The following NRIP1 variants were observed in gnomAD, a reference collection of about 807,000 sequenced individuals.
The protein encoded by NRIP1 is nuclear receptor interacting protein 1.
In NRIP1, 28 loss-of-function variants were observed where a neutral mutation model predicts 75.0. The observed-to-expected ratio is 0.37, with a 90% confidence interval of 0.28 to 0.51. NRIP1 has a LOEUF of 0.51. Among genes scored for constraint, NRIP1 ranks in the 20% least tolerant of loss-of-function variants. The pLI is 0.92. For missense variants in NRIP1, 1,435 were observed against 1,343.7 expected, an observed-to-expected ratio of 1.07 and a Z score of -1.06; for synonymous variants, 526 against 487.6, an observed-to-expected ratio of 1.08 and a Z score of -1.04.
Position 14,965,641 on chromosome 21 carries a change from T to C in NRIP1, c.2552A>G (p.Asn851Ser), listed in dbSNP as rs753205102. 1 of 1,613,276 alleles carries C rather than the reference T, an allele frequency of 6.2e-7. No homozygotes were observed. Among genetic ancestry groups the C allele is most frequent in the African/African-American group, 1.3e-5 (1 of 74,936 alleles). Residue 851 changes from asparagine to serine, a missense_variant, in exon 4 of 4, where the codon AAT becomes AGT. Transcript: ENST00000318948. ...NNEMALLESKNLCMVPKKRKL... is the reference protein window; with the variant it reads ...NNEMALLESKSLCMVPKKRKL... ...CCTTTTCTTAGGGACCATGCAAAGA[T>C]TCTTTGATTCTAGAAGTGCCATTTC...
intron 3 of NRIP1, among the ~76,000 whole-genome samples, chr21:15,012,447 C>CTTTTTTTTTTTT (rs869160226): frequency 1.0e-4 from 8 of 79,368 alleles, no homozygotes; most frequent in East Asian, 5.1e-4. Context: ...ATTATAATGT[C>CTTTTTTTTTTTT]TTTTTTTTTT....
intron 1 of NRIP1, among the ~76,000 whole-genome samples, chr21:15,063,987 T>C (rs114166147): frequency 0.014 from 2,192 of 152,272 alleles, 45 homozygotes; most frequent in African/African-American, 0.049. Flanking sequence ...CTGATCAAAA[T>C]TGGGAAACTA....
rs1219532586 is a variant in NRIP1 at position 14,967,469 on chromosome 21, C to T, written c.724G>A (p.Ala242Thr). 4.3e-6 allele frequency: 7 copies of T among 1,613,956 alleles called. No homozygotes were observed. The highest frequency in any genetic ancestry group is 2.7e-5 in the African/African-American group (2 of 74,912). Reference protein sequence around the residue: ...EPLSCAARLQAVASMVEKRAS... With the variant: ...EPLSCAARLQTVASMVEKRAS... ...CTTTTTTCCACCATGCTTGCAACAG[C>T]CTGTAATCTTGCAGCACATGACAAC... Residue 242 changes from alanine (A) to threonine (T), a missense_variant, in exon 4 of 4, where the codon GCT (alanine) becomes ACT (threonine). Physicochemically the swap from Ala to Thr is moderately conservative, Grantham distance 58. Transcript: ENST00000318948.
rs112057825 is a variant in NRIP1, at chr21:14,988,358, T to A, written c.-334-19832A>T. 9.0e-3 allele frequency among the ~76,000 whole-genome samples: 1,373 copies of A among 151,940 alleles called. 22 individuals are homozygous for A. Among genetic ancestry groups the A allele is most frequent in the African/African-American group, 0.031 (1,285 of 41,470 alleles). On this transcript the variant is annotated intron_variant, in intron 3 of 3. Transcript: ENST00000318948. ...GCCCAGAGAACTTTCTCAAACAAAA[T>A]TTTTTTTGACTTACTAGTCACCCTA...
intron 3 of NRIP1, among the ~76,000 whole-genome samples, chr21:14,983,654 T>C (rs1333463648): frequency 1.3e-5 from 2 of 152,190 alleles, no homozygotes; most frequent in Non-Finnish European, 2.9e-5. Context: ...GAGGTCAATA[T>C]CTGGCTTCAA....
At chr21:15,047,526 C>T (rs939929237) in intron 1 of NRIP1, among the ~76,000 whole-genome samples, 3 of 152,072 alleles carry the variant, frequency 2.0e-5, no homozygotes, top group Non-Finnish European at 4.4e-5. Context: ...GGCGGCAGAG[C>T]GAGACTTCTT....
At chr21:15,003,832 A>G (rs1421197345) in intron 3 of NRIP1, among the ~76,000 whole-genome samples, 2 of 152,222 alleles carry the variant, frequency 1.3e-5, no homozygotes, top group Non-Finnish European at 2.9e-5. Flanking sequence ...ACAGAAGTAA[A>G]TGAAGAACAA....
intron 3 of NRIP1, among the ~76,000 whole-genome samples, chr21:15,011,350 C>T (rs377435791): frequency 7.2e-5 from 11 of 152,208 alleles, no homozygotes; most frequent in South Asian, 6.2e-4. Context: ...CCATGGCGCC[C>T]GGCTAATTTT....
intron 3 of NRIP1, among the ~76,000 whole-genome samples, chr21:14,990,055 T>C (rs1487495955): frequency 6.6e-6 from 1 of 152,118 alleles, no homozygotes; most frequent in African/African-American, 2.4e-5. Flanking sequence ...ATCTAGACTA[T>C]TAAGTGGAAG....
intron 3 of NRIP1, chr21:14,988,237 A>G (rs2087459286): frequency 6.6e-6 from 1 of 152,210 alleles, no homozygotes. Flanking sequence ...AAACTGTTGT[A>G]TTAAATAAAA....
chr21:15,060,230 T>C (rs1600944566), intron 1 of NRIP1, among the ~76,000 whole-genome samples: 1 of 152,112 alleles, frequency 6.6e-6, no homozygotes, highest in Non-Finnish European at 1.5e-5. Flanking sequence ...AAAAGGAAAG[T>C]TCTGTTTTAA....
intron 3 of NRIP1, among the ~76,000 whole-genome samples, chr21:14,998,673 G>C (rs1361949041): frequency 1.3e-5 from 2 of 152,198 alleles, no homozygotes; most frequent in East Asian, 3.8e-4. Context: ...ATGTGAAGAT[G>C]ATGAGGATAA....
intron 3 of NRIP1, among the ~76,000 whole-genome samples, chr21:15,010,794 T>TA (rs1329911848): frequency 1.3e-5 from 2 of 152,018 alleles, no homozygotes; most frequent in African/African-American, 2.4e-5. Flanking sequence ...TGAGAAATGA[T>TA]AAGACTCTGA....
chr21:14,977,358 G>A (rs550665830), intron 3 of NRIP1, among the ~76,000 whole-genome samples: 1 of 152,274 alleles, frequency 6.6e-6, no homozygotes, highest in Non-Finnish European at 1.5e-5. Context: ...AAAGCTGAAT[G>A]AGAAACACTA....
intron 3 of NRIP1, among the ~76,000 whole-genome samples, chr21:14,987,051 T>C (rs1312902575): frequency 6.6e-6 from 1 of 152,238 alleles, no homozygotes; most frequent in Non-Finnish European, 1.5e-5. Context: ...TTGCTATCTC[T>C]GGATATCTAG....
intron 3 of NRIP1, among the ~76,000 whole-genome samples, chr21:14,983,470 A>C (rs537671366): frequency 6.6e-6 from 1 of 152,336 alleles, no homozygotes; most frequent in East Asian, 1.9e-4. Context: ...GAAAACAATA[A>C]AACTGCAAAG....
intron 1 of NRIP1, among the ~76,000 whole-genome samples, chr21:15,045,709 T>C (rs2089058548): frequency 6.6e-6 from 1 of 152,246 alleles, no homozygotes; most frequent in Non-Finnish European, 1.5e-5. Context: ...GATAGCATTT[T>C]ACCCACAGTA....
At chr21:14,989,673 G>A (rs1314520950) in intron 3 of NRIP1, among the ~76,000 whole-genome samples, 1 of 152,116 alleles carries the variant, frequency 6.6e-6, no homozygotes, top group East Asian at 1.9e-4. Context: ...GCTTTATCAT[G>A]TTCCCTCTAT....
At position 14,967,332 on chromosome 21, in the gene NRIP1, C is replaced by T. The variant is rs768366141; in HGVS notation, c.861G>A (p.Thr287=). 146 of 1,613,944 alleles carry T rather than the reference C, an allele frequency of 9.0e-5. No homozygotes were observed. Among genetic ancestry groups the T allele is most frequent in the Middle Eastern group, 6.6e-4 (4 of 6,084 alleles). ...CACTTGCTGCTTGATTTGCATTTTG[C>T]GTTTTTAAAGCGTGTTCTCGAGAAT... ...QQYSREHALK[T]QNANQAASER... is the part of the protein sequence containing the mutation. Residue 287 remains threonine (T), a synonymous_variant, in exon 4 of 4, where the codon ACG becomes ACA. Coordinates refer to ENST00000318948, the MANE Select transcript of NRIP1 (RefSeq NM_003489.4).
Sources: gnomAD v4.1 joint callset for allele counts (sites outside exome capture counted in the v4.1 genomes callset) on GRCh38, gnomAD v4.1.1 for gene constraint, MANE v1.5 for transcripts, NCBI Gene and HGNC (gene_info 2026-07-23, HGNC 2026-07-21) for gene names.